The following ADRA1B variants were observed in gnomAD, a reference collection of about 807,000 sequenced individuals.
The protein encoded by ADRA1B is alpha-1B adrenergic receptor.
ADRA1B carries 17 observed loss-of-function variants against 17.9 expected under a neutral mutation model. The ratio of observed to expected loss-of-function variants is 0.95; its 90% confidence interval spans 0.65 to 1.42. The LOEUF is 1.42. Ranked by LOEUF, ADRA1B falls within the 40% of genes most tolerant of loss-of-function variation. The pLI, the probability that ADRA1B is intolerant of heterozygous loss-of-function variation, is 0.00. For missense variants in ADRA1B, 681 were observed against 722.1 expected, an observed-to-expected ratio of 0.94 and a Z score of 0.65; for synonymous variants, 366 against 327.6, an observed-to-expected ratio of 1.12 and a Z score of -1.27.
downstream of ADRA1B, among the ~76,000 whole-genome samples, chr5:159,975,022 A>G (rs1404613100): frequency 6.6e-6 from 1 of 152,188 alleles, no homozygotes; most frequent in Non-Finnish European, 1.5e-5. Context: ...ACATCCTCCA[A>G]CAGAGAGCAG....
chr5:159,928,288 T>C (rs1012236160), intron 1 of ADRA1B, among the ~76,000 whole-genome samples: 4 of 152,144 alleles, frequency 2.6e-5, no homozygotes, highest in Non-Finnish European at 5.9e-5. Context: ...CCTCCTGGCA[T>C]GACAGCACCA....
intron 1 of ADRA1B, among the ~76,000 whole-genome samples, chr5:159,932,252 C>A (rs1754830278): frequency 6.6e-6 from 1 of 152,044 alleles, no homozygotes; most frequent in African/African-American, 2.4e-5. Context: ...CTCTTGGACC[C>A]AAGCGATCCT....
At chr5:159,899,939 G>A (rs914510880) in intron 1 of ADRA1B, among the ~76,000 whole-genome samples, 2 of 152,210 alleles carry the variant, frequency 1.3e-5, no homozygotes, top group East Asian at 1.9e-4. Flanking sequence ...GTGGATGTAA[G>A]ATGAGAAGTA....
chr5:159,982,808 G>A, the ADRA1B span, among the ~76,000 whole-genome samples: 5 of 152,182 alleles, frequency 3.3e-5, no homozygotes, highest in Admixed American at 6.5e-5. Context: ...TTGAAGGAGG[G>A]AGGCACGAAG....
intron 1 of ADRA1B, among the ~76,000 whole-genome samples, chr5:159,943,223 AAC>A (rs1755182759): frequency 6.6e-6 from 1 of 152,100 alleles, no homozygotes; most frequent in African/African-American, 2.4e-5. Context: ...GAAAAAAAAA[AAC>A]AATGAAAAAT....
chr5:159,915,775 C>T (rs1754285306), upstream of ADRA1B, among the ~76,000 whole-genome samples: 1 of 152,196 alleles, frequency 6.6e-6, no homozygotes, highest in East Asian at 1.9e-4. Flanking sequence ...TTCAGCCTAA[C>T]ACCTGTCATC....
At chr5:159,981,806 T>C in the ADRA1B span, among the ~76,000 whole-genome samples, 360 of 152,276 alleles carry the variant, frequency 2.4e-3, 2 homozygotes, top group South Asian at 0.011. Context: ...TAGATGTCAC[T>C]TTTTTAAAAG....
chr5:159,914,783 A>T (rs1410783190), upstream of ADRA1B, among the ~76,000 whole-genome samples: 2 of 152,162 alleles, frequency 1.3e-5, no homozygotes, highest in African/African-American at 4.8e-5. Flanking sequence ...TGTTTTCCCC[A>T]CCCGTGAATA....
At chr5:159,955,806 C>T (rs1755540920) in intron 1 of ADRA1B, among the ~76,000 whole-genome samples, 1 of 152,174 alleles carries the variant, frequency 6.6e-6, no homozygotes, top group African/African-American at 2.4e-5. Flanking sequence ...CATGGAGAAG[C>T]TGGAGCCCAG....
At chr5:159,941,745 G>C (rs796244651) in intron 1 of ADRA1B, among the ~76,000 whole-genome samples, 35 of 152,244 alleles carry the variant, frequency 2.3e-4, no homozygotes, top group African/African-American at 8.2e-4. Context: ...GATGAACCTT[G>C]AAACCGATAC....
intron 1 of ADRA1B, among the ~76,000 whole-genome samples, chr5:159,955,891 G>T (rs776716052): frequency 6.6e-6 from 1 of 151,924 alleles, no homozygotes; most frequent in Non-Finnish European, 1.5e-5. Flanking sequence ...CTATATTTTT[G>T]ACCTTTGTCT....
chr5:159,897,186 C>T (rs888877527), intron 1 of ADRA1B, among the ~76,000 whole-genome samples: 6 of 152,150 alleles, frequency 3.9e-5, no homozygotes, highest in African/African-American at 1.4e-4. Context: ...ACTAACCTGG[C>T]TATGCTTAGG....
chr5:159,935,914 T>C (rs990743455), intron 1 of ADRA1B, among the ~76,000 whole-genome samples: 5 of 152,230 alleles, frequency 3.3e-5, no homozygotes, highest in Non-Finnish European at 7.3e-5. Flanking sequence ...AGGCTCTGGA[T>C]TGTCAGTCCT....
In ADRA1B at chr5:159,916,864, C is replaced by A. The variant is rs200027623; in HGVS notation, c.-42C>A. The A allele has an allele frequency of 3.1e-4, 482 of 1,553,190 alleles. 3 individuals carry two copies. In the African/African-American group the frequency reaches 6.1e-3, roughly 20 times the overall value. ...TGAGGAGCCTTCGCCGCAGCCCTTC[C>A]GAGCCCAATCATCCCCCTGGCTATG... is the stretch of plus-strand genomic sequence containing the variant. On this transcript the variant is annotated 5_prime_UTR_variant, in exon 1 of 2. Coordinates refer to ENST00000306675, the MANE Select transcript of ADRA1B (RefSeq NM_000679.4).
At chr5:159,961,964 G>T (rs936308919) in intron 1 of ADRA1B, among the ~76,000 whole-genome samples, 4 of 152,182 alleles carry the variant, frequency 2.6e-5, no homozygotes, top group African/African-American at 9.7e-5. Flanking sequence ...TAAAGTCAGC[G>T]CTTTGGGAGG....
Position 159,972,988 on chromosome 5 carries a change from G to C in ADRA1B, c.*496G>C, listed in dbSNP as rs1311400092. Among the ~76,000 whole-genome samples the C allele has an allele frequency of 1.3e-5, 2 of 152,228 alleles. No individual in the cohort carries two copies. The highest frequency in any genetic ancestry group is 2.9e-5 in the Non-Finnish European group (2 of 68,030). On this transcript the variant is annotated 3_prime_UTR_variant, in exon 2 of 2. Transcript: ENST00000306675. ...CTTTGGTGGGGTTGGAAACAAAGTC[G>C]ACATTAAAGGTCATTTCTCCTGTTC... is the stretch of plus-strand genomic sequence containing the variant.
intron 1 of ADRA1B, among the ~76,000 whole-genome samples, chr5:159,903,096 C>A (rs889165225): frequency 6.6e-6 from 1 of 152,224 alleles, no homozygotes; most frequent in Non-Finnish European, 1.5e-5. Flanking sequence ...AGTGTCCCCA[C>A]CTCTGCCTCA....
At chr5:159,953,771 A>G (rs114770944) in intron 1 of ADRA1B, among the ~76,000 whole-genome samples, 1 of 152,290 alleles carries the variant, frequency 6.6e-6, no homozygotes, top group African/African-American at 2.4e-5. Flanking sequence ...GGCATCTAAG[A>G]GATGTTCAAT....
chr5:159,981,300 T>A, the ADRA1B span, among the ~76,000 whole-genome samples: 26 of 152,088 alleles, frequency 1.7e-4, no homozygotes, highest in African/African-American at 6.0e-4. Flanking sequence ...ACCTACTAGA[T>A]GCTAGCAGCA....
Sources: allele counts gnomAD v4.1 joint callset (sites outside exome capture counted in the v4.1 genomes callset), GRCh38; gene constraint gnomAD v4.1.1; transcripts MANE v1.5; gene names NCBI Gene and HGNC (gene_info 2026-07-23, HGNC 2026-07-21).